Variants in SH3RF1 observed in about 807,000 individuals in gnomAD.
SH3RF1 encodes E3 ubiquitin-protein ligase SH3RF1.
In SH3RF1, 32 loss-of-function variants were observed where a neutral mutation model predicts 74.0. The observed-to-expected ratio is 0.43, with a 90% CI of 0.33 to 0.58. The LOEUF (loss-of-function observed/expected upper bound fraction) is 0.58, where lower values mean the gene tolerates loss of function less well. SH3RF1 is among the 20% of genes least tolerant of loss of function. SH3RF1 has a pLI of 0.05. For missense variants in SH3RF1, 954 were observed against 1,130.9 expected (o/e 0.84, Z 2.24); for synonymous variants, 396 against 439.6 (o/e 0.90, Z 1.24).
intron 2 of SH3RF1, among the ~76,000 whole-genome samples, chr4:169,252,448 ATT>A (rs1731121426): frequency 2.6e-5 from 4 of 152,228 alleles, no homozygotes; most frequent in African/African-American, 9.7e-5. Context: ...GGCTATGAAA[ATT>A]GCTACTATTC....
At chr4:169,101,316 G>T (rs1452875428) in intron 11 of SH3RF1, among the ~76,000 whole-genome samples, 1 of 152,160 alleles carries the variant, frequency 6.6e-6, no homozygotes, top group African/African-American at 2.4e-5. Flanking sequence ...CTACAACAGG[G>T]ATGAACCTTG....
At chr4:169,197,203 T>G (rs901455744) in intron 2 of SH3RF1, among the ~76,000 whole-genome samples, 1 of 152,060 alleles carries the variant, frequency 6.6e-6, no homozygotes. Context: ...GGTTTCACCA[T>G]GTTGGCTAGT....
intron 2 of SH3RF1, among the ~76,000 whole-genome samples, chr4:169,175,377 C>A (rs1243695944): frequency 6.6e-6 from 1 of 152,160 alleles, no homozygotes; most frequent in African/African-American, 2.4e-5. Flanking sequence ...TCCCGGCTAA[C>A]CTCTCTGGCT....
chr4:169,171,249 G>A (rs764708219), intron 2 of SH3RF1, among the ~76,000 whole-genome samples: 3 of 152,100 alleles, frequency 2.0e-5, no homozygotes, highest in Non-Finnish European at 4.4e-5. Flanking sequence ...AGAGGATTTC[G>A]GTCCATGAAT....
At chr4:169,112,773 C>T (rs1733262676) in intron 10 of SH3RF1, among the ~76,000 whole-genome samples, 1 of 150,784 alleles carries the variant, frequency 6.6e-6, no homozygotes, top group Non-Finnish European at 1.5e-5. Flanking sequence ...ATGCTAAAGA[C>T]AAAAAAAAAT....
chr4:169,116,249 G>C lies in SH3RF1; in HGVS notation c.2139+20C>G. 6.4e-7 allele frequency: 1 copy of C among 1,570,498 alleles called. No homozygotes were observed. Among genetic ancestry groups the C allele is most frequent in the South Asian group, 1.2e-5 (1 of 83,300 alleles). Reference sequence around the variant, plus strand: ...GGGAAGTAAGTAAAGCAGAGAAACAGTAAGTAAGTATGGTCTTACTTTGCT... The same window carrying C: ...GGGAAGTAAGTAAAGCAGAGAAACACTAAGTAAGTATGGTCTTACTTTGCT... On this transcript the variant is annotated intron_variant, in intron 10 of 11. Transcript: ENST00000284637.
chr4:169,099,437 T>C (rs773902261), intron 11 of SH3RF1, among the ~76,000 whole-genome samples: 2 of 152,186 alleles, frequency 1.3e-5, no homozygotes, highest in Non-Finnish European at 2.9e-5. Flanking sequence ...TGAATTTATC[T>C]GAAAGAAGGA....
chr4:169,220,973 C>T (rs1730556505), intron 2 of SH3RF1, among the ~76,000 whole-genome samples: 1 of 152,170 alleles, frequency 6.6e-6, no homozygotes, highest in African/African-American at 2.4e-5. Flanking sequence ...ACAAACAATT[C>T]TGGTTTAGTT....
At chr4:169,250,555 T>C (rs928216424) in intron 2 of SH3RF1, among the ~76,000 whole-genome samples, 1 of 152,232 alleles carries the variant, frequency 6.6e-6, no homozygotes, top group East Asian at 1.9e-4. Context: ...CATTCACTGA[T>C]TTATTTGTTA....
chr4:169,196,870 T>C (rs1734821421), intron 2 of SH3RF1, among the ~76,000 whole-genome samples: 1 of 152,196 alleles, frequency 6.6e-6, no homozygotes, highest in Non-Finnish European at 1.5e-5. Flanking sequence ...CTATTATTGC[T>C]TTAGTTTTAT....
At chr4:169,116,813 C>G (rs548408648) in intron 9 of SH3RF1, among the ~76,000 whole-genome samples, 183 bp from the exon 10 acceptor site, 1 of 152,312 alleles carries the variant, frequency 6.6e-6, no homozygotes, top group Non-Finnish European at 1.5e-5. Flanking sequence ...CAGACACTAT[C>G]TATTGTCCTT....
Position 169,247,893 on chromosome 4 carries a change from C to T in SH3RF1, c.393+20927G>A, listed in dbSNP as rs1731030442. ...TGCAGCCAACAAACATGAAAAAAAG[C>T]ACATCATCACTGATCATTAGAGAAA... On this transcript the variant is annotated intron_variant, in intron 2 of 11. Transcript: ENST00000284637. Among the ~76,000 whole-genome samples, 4 of 152,022 alleles carry T rather than the reference C, an allele frequency of 2.6e-5. No homozygotes were observed. In the South Asian group the frequency reaches 8.3e-4, roughly 32 times the overall value.
intron 2 of SH3RF1, among the ~76,000 whole-genome samples, chr4:169,214,899 T>C (rs1032662214): frequency 1.1e-4 from 17 of 152,306 alleles, no homozygotes; most frequent in African/African-American, 4.1e-4. Context: ...TATTATCATG[T>C]CCTCTGTAAA....
intron 2 of SH3RF1, among the ~76,000 whole-genome samples, chr4:169,239,790 G>C (rs1303482023): frequency 6.6e-6 from 1 of 152,204 alleles, no homozygotes; most frequent in East Asian, 1.9e-4. Flanking sequence ...GGAGGCTGAG[G>C]CTGGTGGATC....
chr4:169,139,844 T>C (rs1365277110), intron 4 of SH3RF1, among the ~76,000 whole-genome samples: 1 of 152,254 alleles, frequency 6.6e-6, no homozygotes, highest in Non-Finnish European at 1.5e-5. Flanking sequence ...ACCTCTATTG[T>C]TCACAGCTTC....
Position 169,116,625 on chromosome 4 carries a change from C to T in SH3RF1, c.1783G>A (p.Ala595Thr). 6.5e-7 allele frequency: 1 copy of T among 1,534,334 alleles called. No individual in the cohort carries two copies. Among genetic ancestry groups the T allele is most frequent in the Non-Finnish European group, 8.8e-7 (1 of 1,137,658 alleles). Residue 595 changes from alanine (A) to threonine (T), a missense_variant, in exon 10 of 12, where the codon GCG becomes ACG. Around this residue, in one of 3 missense-constraint regions of SH3RF1, gnomAD observed 854 missense variants for 962.5 expected, o/e 0.89. Coordinates refer to ENST00000284637, the MANE Select transcript of SH3RF1 (RefSeq NM_020870.4). ...QARNAVRTVA[A>T]HNQERPTAAV... ...GCCGTGGGGCGTTCCTGGTTGTGCGCTGCAACTAGTAGATGGGAAGAGGGA... is the reference window on the plus strand; with the variant it reads ...GCCGTGGGGCGTTCCTGGTTGTGCGTTGCAACTAGTAGATGGGAAGAGGGA...
chr4:169,205,338 A>C (rs1179897438), intron 2 of SH3RF1, among the ~76,000 whole-genome samples: 20 of 152,232 alleles, frequency 1.3e-4, no homozygotes. Flanking sequence ...GTCTTTGGAG[A>C]AACAGAAATG....
At chr4:169,236,738 A>G (rs1730828725) in intron 2 of SH3RF1, among the ~76,000 whole-genome samples, 1 of 152,236 alleles carries the variant, frequency 6.6e-6, no homozygotes, top group Admixed American at 6.5e-5. Flanking sequence ...TCTGGTCACC[A>G]GTCTCTAACA....
intron 2 of SH3RF1, among the ~76,000 whole-genome samples, chr4:169,192,287 A>G (rs1734732287): frequency 6.6e-6 from 1 of 152,192 alleles, no homozygotes; most frequent in South Asian, 2.1e-4. Context: ...AAACATATGA[A>G]AAAAATGCTG....
Sources: allele counts gnomAD v4.1 joint callset (sites outside exome capture counted in the v4.1 genomes callset), GRCh38; gene constraint gnomAD v4.1.1; regional missense constraint gnomAD v4.1.1; transcripts MANE v1.5; gene names NCBI Gene and HGNC (gene_info 2026-07-23, HGNC 2026-07-21).